Variants in PPP3CA observed in about 807,000 individuals in gnomAD.
PPP3CA encodes the protein protein phosphatase 3 catalytic subunit alpha.
Under a neutral mutation model 66.5 loss-of-function variants are expected in PPP3CA, and 14 were observed. The observed-to-expected ratio is 0.21, with a 90% confidence interval of 0.14 to 0.33. PPP3CA has a LOEUF of 0.33. Among genes scored for constraint, PPP3CA ranks in the 10% least tolerant of loss-of-function variants. The pLI is 1.00. For synonymous variants in PPP3CA, 232 were observed against 226.2 expected (o/e 1.03, Z -0.23); for missense variants, 317 against 639.5 (o/e 0.50, Z 5.44).
At chr4:101,219,459 T>C (rs899853477) in intron 1 of PPP3CA, among the ~76,000 whole-genome samples, 1 of 151,914 alleles carries the variant, frequency 6.6e-6, no homozygotes, top group African/African-American at 2.4e-5. Flanking sequence ...TTAATCTCTT[T>C]AAAAATAACT....
intron 1 of PPP3CA, among the ~76,000 whole-genome samples, chr4:101,202,699 T>C (rs1452905190): frequency 6.6e-6 from 1 of 152,236 alleles, no homozygotes; most frequent in East Asian, 1.9e-4. Flanking sequence ...AAAATACATA[T>C]GGCCATCTCA....
At chr4:101,248,582 C>T (rs897365817) in intron 1 of PPP3CA, among the ~76,000 whole-genome samples, 13 of 152,132 alleles carry the variant, frequency 8.5e-5, no homozygotes, top group Non-Finnish European at 1.6e-4. Flanking sequence ...TCATCTTTAG[C>T]AATTATACTA....
intron 2 of PPP3CA, among the ~76,000 whole-genome samples, chr4:101,113,457 G>A (rs930520378): frequency 1.3e-5 from 2 of 152,058 alleles, no homozygotes; most frequent in Non-Finnish European, 2.9e-5. Context: ...CTCATTCTAG[G>A]TTGCTGTGAG....
intron 1 of PPP3CA, among the ~76,000 whole-genome samples, chr4:101,228,471 A>G (rs1725852435): frequency 1.3e-5 from 2 of 151,668 alleles, no homozygotes; most frequent in African/African-American, 4.8e-5. Context: ...AAATGACATT[A>G]GAGTCTTGAT....
intron 2 of PPP3CA, among the ~76,000 whole-genome samples, chr4:101,167,507 A>G (rs1560636878): frequency 6.6e-6 from 1 of 152,200 alleles, no homozygotes; most frequent in East Asian, 1.9e-4. Context: ...TGAAAAAAAG[A>G]GTTAAACATC....
intron 1 of PPP3CA, among the ~76,000 whole-genome samples, chr4:101,224,470 T>G (rs1725719811): frequency 6.6e-6 from 1 of 151,838 alleles, no homozygotes; most frequent in Non-Finnish European, 1.5e-5. Context: ...AAAATCTCCT[T>G]TAAAAGCTAT....
At chr4:101,192,301 A>T (rs1724632351) in intron 2 of PPP3CA, among the ~76,000 whole-genome samples, 2 of 152,076 alleles carry the variant, frequency 1.3e-5, no homozygotes, top group Non-Finnish European at 2.9e-5. Flanking sequence ...AACAAGTATG[A>T]AAGTTTCCTA....
intron 1 of PPP3CA, among the ~76,000 whole-genome samples, chr4:101,303,928 C>T (rs1422159609): frequency 2.0e-5 from 3 of 152,174 alleles, no homozygotes; most frequent in Admixed American, 2.0e-4. Context: ...ACTGGTCAAA[C>T]TTGCAATTTG....
chr4:101,289,244 T>C (rs1727943310), intron 1 of PPP3CA, among the ~76,000 whole-genome samples: 1 of 152,238 alleles, frequency 6.6e-6, no homozygotes. Flanking sequence ...AATACATATA[T>C]ACATATAGGT....
At chr4:101,206,988 A>G (rs1026389589) in intron 1 of PPP3CA, among the ~76,000 whole-genome samples, 26 of 152,226 alleles carry the variant, frequency 1.7e-4, no homozygotes, top group African/African-American at 6.3e-4. Flanking sequence ...CATATCAAAG[A>G]GTAGACAGAC....
intron 1 of PPP3CA, among the ~76,000 whole-genome samples, chr4:101,346,142 C>G (rs914172707): frequency 3.3e-5 from 5 of 151,892 alleles, no homozygotes; most frequent in African/African-American, 1.2e-4. Context: ...GGGCTCCCCC[C>G]ACGCTCTCCC....
intron 2 of PPP3CA, among the ~76,000 whole-genome samples, chr4:101,182,891 C>T (rs1409832426): frequency 6.6e-6 from 1 of 152,070 alleles, no homozygotes; most frequent in Non-Finnish European, 1.5e-5. Context: ...TCTCTCTTTG[C>T]CTGCTGCCAT....
chr4:101,185,097 T>C (rs1260703684), intron 2 of PPP3CA, among the ~76,000 whole-genome samples: 2 of 152,086 alleles, frequency 1.3e-5, no homozygotes, highest in Admixed American at 6.6e-5. Flanking sequence ...GTTGTTTAAA[T>C]TGTCTCCTTA....
Position 101,040,475 on chromosome 4 carries a change from C to T in PPP3CA, c.1241+7G>A, listed in dbSNP as rs1405973848. The T allele has an allele frequency of 3.1e-6, 5 of 1,589,348 alleles. No individual in the cohort carries two copies. Among genetic ancestry groups the T allele is most frequent in the Non-Finnish European group, 4.3e-6 (5 of 1,167,184 alleles). ...TTGAAACAAAAACAGAGTACGAATGCACCCACCTGAGCACTGAGAACACTC... is the reference window on the plus strand; with the variant it reads ...TTGAAACAAAAACAGAGTACGAATGTACCCACCTGAGCACTGAGAACACTC... On this transcript the variant is annotated splice_region_variant and intron_variant, in intron 11 of 13. Transcript: ENST00000394854.
rs192201653 is a variant in PPP3CA at position 101,136,554 on chromosome 4, T to C, written c.260-27476A>G. The stretch of plus-strand genomic sequence containing the variant: ...AGACTCCGCCTCAAAAAAAAAAAAG[T>C]GTTCATGAAGCAATGTTTTTAAAGG... On this transcript the variant is annotated intron_variant, in intron 2 of 13. Transcript: ENST00000394854. 2.8e-4 allele frequency among the ~76,000 whole-genome samples: 42 copies of C among 150,268 alleles called. No homozygotes were observed. In the East Asian group the frequency reaches 8.2e-3, roughly 29 times the overall value.
intron 1 of PPP3CA, among the ~76,000 whole-genome samples, chr4:101,291,314 G>A (rs1578635409): frequency 6.6e-6 from 1 of 152,302 alleles, no homozygotes; most frequent in Non-Finnish European, 1.5e-5. Context: ...AATCCACTCT[G>A]AGCTAGGTTT....
At chr4:101,035,328 A>T (rs771737397) in intron 11 of PPP3CA, among the ~76,000 whole-genome samples, 17 of 151,932 alleles carry the variant, frequency 1.1e-4, no homozygotes, top group Non-Finnish European at 2.5e-4. Context: ...CAAAAAAAAC[A>T]ATTACAACCC....
At chr4:101,078,413 C>T (rs543135635) in intron 8 of PPP3CA, among the ~76,000 whole-genome samples, 36 of 152,280 alleles carry the variant, frequency 2.4e-4, no homozygotes, top group African/African-American at 8.4e-4. Flanking sequence ...ATTTCTCTTT[C>T]TAATCAAACA....
At position 101,027,601 on chromosome 4, in the gene PPP3CA, A is replaced by C. The variant is rs112868255; in HGVS notation, c.1370-1540T>G. ...TGAAAACTAACTCAATTATTTTGAAATACAAAAGAATAGCATGAAGTGGTA... is the reference window on the plus strand; with the variant it reads ...TGAAAACTAACTCAATTATTTTGAACTACAAAAGAATAGCATGAAGTGGTA... On this transcript the variant is annotated intron_variant, in intron 13 of 13. Transcript: ENST00000394854. 6.9e-3 allele frequency among the ~76,000 whole-genome samples: 1,046 copies of C among 152,344 alleles called. 8 individuals are homozygous for C. Among genetic ancestry groups the C allele is most frequent in the South Asian group, 0.036 (174 of 4,820 alleles).
Sources: gnomAD v4.1 joint callset for allele counts (sites outside exome capture counted in the v4.1 genomes callset) on GRCh38, gnomAD v4.1.1 for gene constraint, MANE v1.5 for transcripts, NCBI Gene and HGNC (gene_info 2026-07-23, HGNC 2026-07-21) for gene names.